Variants in DOCK11 observed in about 807,000 individuals in gnomAD.
DOCK11 encodes the protein dedicator of cytokinesis 11.
Under a neutral mutation model 169.1 loss-of-function variants are expected in DOCK11, and 70 were observed. The ratio of observed to expected loss-of-function variants is 0.41; its 90% confidence interval spans 0.34 to 0.51. DOCK11 has a LOEUF of 0.51. Among genes scored for constraint, DOCK11 ranks in the 20% least tolerant of loss-of-function variants. The pLI, the probability that DOCK11 is intolerant of heterozygous loss-of-function variation, is 0.10. For synonymous variants in DOCK11, 529 were observed against 541.3 expected (o/e 0.98, Z 0.32); for missense variants, 1,166 against 1,538.8 (o/e 0.76, Z 4.05).
chrX:118,604,414 G>T (rs2014432993), intron 23 of DOCK11, among the ~76,000 whole-genome samples: 1 of 109,063 alleles, frequency 9.2e-6, no homozygotes, highest in African/African-American at 3.3e-5. Context: ...CTGGGAAAGA[G>T]AATTTATGAG....
chrX:118,648,935 T>G lies in DOCK11; in HGVS notation c.4399-10T>G, dbSNP rs771020329. ...TTTAAATACTTATTTCTGTTTTCCC[T>G]GTTCTTTAGTTTCCTTCAGCATTTT... On this transcript the variant is annotated splice_polypyrimidine_tract_variant and intron_variant, in intron 40 of 52. Transcript: ENST00000276202. 17 of 1,163,801 alleles carry G rather than the reference T, an allele frequency of 1.5e-5. No individual in the cohort carries two copies. Among genetic ancestry groups the G allele is most frequent in the Middle Eastern group, 3.0e-4 (1 of 3,332 alleles).
intron 50 of DOCK11, among the ~76,000 whole-genome samples, 194 bp downstream of exon 50, chrX:118,681,442 TA>T (rs2016741145): frequency 8.9e-6 from 1 of 112,832 alleles, no homozygotes; most frequent in African/African-American, 3.2e-5. Flanking sequence ...CAGAGGACTT[TA>T]ACATAAGTCC....
intron 6 of DOCK11, among the ~76,000 whole-genome samples, chrX:118,557,637 G>A (rs944379462): frequency 4.7e-5 from 5 of 107,150 alleles, no homozygotes; most frequent in Non-Finnish European, 9.6e-5. Flanking sequence ...GGTGGCGGGC[G>A]CCCGTAGTCC....
chrX:118,528,588 C>T (rs886883722), intron 1 of DOCK11, among the ~76,000 whole-genome samples: 1 of 111,345 alleles, frequency 9.0e-6, no homozygotes, highest in East Asian at 2.8e-4. Flanking sequence ...CAGGATTGCT[C>T]TTAGTCTAAG....
chrX:118,573,148 T>A (rs1320342693), intron 11 of DOCK11, among the ~76,000 whole-genome samples: 1 of 112,746 alleles, frequency 8.9e-6, no homozygotes, highest in African/African-American at 3.2e-5. Flanking sequence ...ATCTTTATTT[T>A]TTCGTTCTAG....
At chrX:118,538,575 A>C in intron 1 of DOCK11, 3 of 388,368 alleles carry the variant, frequency 7.7e-6, no homozygotes, top group Non-Finnish European at 9.8e-6. Context: ...TTTTCCTGTC[A>C]CTACTTACGG....
In DOCK11 at chrX:118,618,507, T is replaced by C; in HGVS notation, c.3293-43T>C. ...CAGTATTTTAATTATAATCATGTTT[T>C]GAATATTTTCATAAATGGGTTTTAA... On this transcript the variant is annotated intron_variant, in intron 30 of 52. Coordinates refer to ENST00000276202, the MANE Select transcript of DOCK11 (RefSeq NM_144658.4). 5.9e-6 allele frequency: 6 copies of C among 1,024,156 alleles called. No homozygotes were observed. In the South Asian group the frequency reaches 1.4e-4, roughly 25 times the overall value. The allele number at this position is 1,024,156 out of a possible 1,213,427, so 84.4% of individuals were successfully genotyped here. A position where few individuals can be genotyped will look rare whatever the true frequency, so the allele number is the denominator to read the frequency against.
chrX:118,617,738 T>C (rs1196206019), intron 30 of DOCK11, among the ~76,000 whole-genome samples: 1 of 109,080 alleles, frequency 9.2e-6, no homozygotes, highest in Non-Finnish European at 1.9e-5. Context: ...AAAGAATTAG[T>C]TGGGCATGGT....
intron 52 of DOCK11, 51 bp from the exon 53 acceptor site, chrX:118,685,637 G>T: frequency 8.5e-7 from 1 of 1,169,678 alleles, no homozygotes; most frequent in Non-Finnish European, 1.1e-6. Context: ...TTCTTTTTTT[G>T]GCAGTGGCTA....
intron 43 of DOCK11, 37 bp downstream of exon 43, chrX:118,654,854 A>G (rs1255652488): frequency 2.5e-6 from 3 of 1,207,689 alleles, no homozygotes; most frequent in Non-Finnish European, 3.4e-6. Flanking sequence ...CAGCCCTTCA[A>G]AACACCTTGA....
intron 10 of DOCK11, among the ~76,000 whole-genome samples, chrX:118,570,093 G>A (rs1021269847): frequency 5.3e-5 from 6 of 112,354 alleles, no homozygotes; most frequent in Non-Finnish European, 1.1e-4. Context: ...ATGGAAGGCA[G>A]TGTCGCCTCG....
intron 34 of DOCK11, 53 bp from the exon 35 acceptor site, chrX:118,630,326 A>G (rs1168496910): frequency 1.3e-6 from 1 of 759,308 alleles, no homozygotes. Context: ...TACTGAGTTA[A>G]AGGCTGTGGA....
chrX:118,557,976 C>CTT (rs761127913), intron 6 of DOCK11, among the ~76,000 whole-genome samples: 2 of 90,524 alleles, frequency 2.2e-5, no homozygotes, highest in Non-Finnish European at 2.2e-5. Flanking sequence ...CTGTGTGAAC[C>CTT]TTTTTTTTTT....
At chrX:118,642,132 A>C (rs2015549697) in intron 39 of DOCK11, among the ~76,000 whole-genome samples, 1 of 112,016 alleles carries the variant, frequency 8.9e-6, no homozygotes, top group Non-Finnish European at 1.9e-5. Context: ...ATTAAAATGC[A>C]ACACAACTCC....
intron 1 of DOCK11, among the ~76,000 whole-genome samples, chrX:118,535,813 G>A (rs376946661): frequency 8.9e-5 from 10 of 111,734 alleles, no homozygotes; most frequent in African/African-American, 3.2e-4. Flanking sequence ...ATTTTGGCAA[G>A]TTGGGTTCTG....
chrX:118,578,783 G>T, intron 13 of DOCK11, 136 bp downstream of exon 13: 1 of 537,104 alleles, frequency 1.9e-6, no homozygotes, highest in Non-Finnish European at 2.7e-6. Flanking sequence ...GCTAAAACTT[G>T]AACATGGCAT....
At chrX:118,648,314 C>T (rs1183216966) in intron 40 of DOCK11, among the ~76,000 whole-genome samples, 3 of 91,552 alleles carry the variant, frequency 3.3e-5, no homozygotes, top group Non-Finnish European at 6.3e-5. Context: ...ATACAGTAAG[C>T]AGGTTCTCAA....
chrX:118,609,990 C>T (rs370141060), intron 27 of DOCK11, among the ~76,000 whole-genome samples: 1 of 111,773 alleles, frequency 8.9e-6, no homozygotes, highest in African/African-American at 3.3e-5. Flanking sequence ...ATGAAAACTG[C>T]GTTGTGTCTG....
intron 20 of DOCK11, among the ~76,000 whole-genome samples, chrX:118,595,069 T>C (rs1241756713): frequency 1.8e-5 from 2 of 111,009 alleles, no homozygotes; most frequent in African/African-American, 6.6e-5. Context: ...ATCACCACAG[T>C]AGAACTATTG....
Sources: allele counts gnomAD v4.1 joint callset (sites outside exome capture counted in the v4.1 genomes callset), GRCh38; gene constraint gnomAD v4.1.1; transcripts MANE v1.5; gene names NCBI Gene and HGNC (gene_info 2026-07-23, HGNC 2026-07-21).